The following TBC1D8 variants were observed in gnomAD, a reference collection of about 807,000 sequenced individuals.
The protein encoded by TBC1D8 is TBC1 domain family member 8, also known as BUB2-like protein 1.
In TBC1D8, 65 loss-of-function variants were observed where a neutral mutation model predicts 118.8. That is an observed-to-expected ratio of 0.55 (90% CI 0.45 to 0.67). The LOEUF (loss-of-function observed/expected upper bound fraction) is 0.67, where lower values mean the gene tolerates loss of function less well. TBC1D8 is among the 30% of genes least tolerant of loss of function. The pLI is 0.00. For synonymous variants in TBC1D8, 566 were observed against 595.8 expected (o/e 0.95, Z 0.73); for missense variants, 1,376 against 1,471.2 (o/e 0.94, Z 1.06).
chr2:101,018,959 T>C (rs1167276552), intron 17 of TBC1D8: 2 of 1,605,138 alleles, frequency 1.2e-6, no homozygotes, highest in Non-Finnish European at 1.7e-6. Flanking sequence ...GTGTGTTACC[T>C]GACATGGTAC....
intron 1 of TBC1D8, among the ~76,000 whole-genome samples, chr2:101,123,395 T>A (rs1452765785): frequency 1.3e-5 from 2 of 152,156 alleles, no homozygotes; most frequent in African/African-American, 4.8e-5. Context: ...ATAGTGCAAA[T>A]TAGCACTGTG....
intron 12 of TBC1D8, 134 bp downstream of exon 12, chr2:101,029,357 A>C (rs1573896701): frequency 1.0e-6 from 1 of 989,344 alleles, no homozygotes. Context: ...GTGCCACTGC[A>C]CTCCAGCCTG....
At position 101,028,296 on chromosome 2, in the gene TBC1D8, C is replaced by T. The variant is rs199519905; in HGVS notation, c.2352+7G>A. 1 of 1,609,694 alleles carries T rather than the reference C, an allele frequency of 6.2e-7. No individual in the cohort carries two copies. Among genetic ancestry groups the T allele is most frequent in the Non-Finnish European group, 8.5e-7 (1 of 1,178,004 alleles). On this transcript the variant is annotated splice_region_variant and intron_variant, in intron 13 of 19. Transcript: ENST00000409318. ...GCAACGGGGCATGGGGCGGGGGTTC[C>T]CGTTACCTCATAGGAATCCCGGATC...
intron 5 of TBC1D8, among the ~76,000 whole-genome samples, chr2:101,046,682 G>T (rs1028437756): frequency 2.0e-5 from 3 of 152,040 alleles, no homozygotes; most frequent in African/African-American, 4.8e-5. Flanking sequence ...AAGGGAGAGT[G>T]GGGGGAGGGG....
At position 101,009,821 on chromosome 2, in the gene TBC1D8, C is replaced by CATTTTTTTTTTTT. The variant is rs144990163; in HGVS notation, c.3015+1107_3015+1108insAAAAAAAAAAAAT. On this transcript the variant is annotated intron_variant, in intron 19 of 19. Coordinates refer to ENST00000409318, the MANE Select transcript of TBC1D8 (RefSeq NM_001330348.2). The stretch of plus-strand genomic sequence containing the variant: ...TGACTTAAGTCCTATAAAAAAGGAG[C>CATTTTTTTTTTTT]TTTTTCTTTTTTTTTTTTGAGATGG... Among the ~76,000 whole-genome samples, 2 of 134,192 alleles carry CATTTTTTTTTTTT rather than the reference C, an allele frequency of 1.5e-5. 1 individual carries two copies. Among genetic ancestry groups the CATTTTTTTTTTTT allele is most frequent in the Non-Finnish European group, 3.3e-5 (2 of 60,872 alleles). The allele number at this position is 134,192 out of a possible 152,430, so 88.0% of individuals were successfully genotyped here.
rs1676727540 is a variant in TBC1D8 at position 101,100,070 on chromosome 2, T to G, written c.128-9706A>C. Among the ~76,000 whole-genome samples the G allele has an allele frequency of 2.6e-5, 4 of 152,310 alleles. No individual in the cohort carries two copies. The South Asian group carries it at 8.3e-4, about 32-fold the overall frequency. On this transcript the variant is annotated intron_variant, in intron 1 of 19. Transcript: ENST00000409318. ...TCAAATAGAAGAGAGGAAATCAAGT[T>G]GTCTCTGTTTACAGATGACACAATT...
At chr2:101,042,416 G>T (rs748988929) in intron 5 of TBC1D8, among the ~76,000 whole-genome samples, 1 of 152,144 alleles carries the variant, frequency 6.6e-6, no homozygotes, top group Non-Finnish European at 1.5e-5. Context: ...CTTAAAGTCA[G>T]GAATATGAAT....
chr2:101,037,732 C>CAG lies in TBC1D8; in HGVS notation c.1276-26_1276-25dup, dbSNP rs373832421. ...GCCTGCACAGCAAGAGAGACAGAGA[C>CAG]AGAGAGAGAGAGGAGAGGAGAAAAT... is the stretch of plus-strand genomic sequence containing the variant. On this transcript the variant is annotated intron_variant, in intron 7 of 19. Transcript: ENST00000409318. 5.6e-6 allele frequency: 9 copies of CAG among 1,608,018 alleles called. 1 individual carries two copies. The highest frequency in any genetic ancestry group is 2.2e-5 in the East Asian group (1 of 44,830).
intron 1 of TBC1D8, among the ~76,000 whole-genome samples, chr2:101,139,140 CG>C (rs761604221): frequency 1.8e-4 from 27 of 151,984 alleles, no homozygotes; most frequent in Non-Finnish European, 3.4e-4. Flanking sequence ...AACATTCCTC[CG>C]GAACTGGCTC....
rs139934153 is a variant in TBC1D8 at position 101,138,842 on chromosome 2, A to G, written c.127+12285T>C. On this transcript the variant is annotated intron_variant, in intron 1 of 19. Transcript: ENST00000409318. ...TGAGCATGACTGATCATTAATCTCC[A>G]GCCCCTGCTCCTTCCCAGAGAATGG... Among the ~76,000 whole-genome samples, 1,201 of 152,184 alleles carry G rather than the reference A, an allele frequency of 7.9e-3. 13 individuals are homozygous for G. Among genetic ancestry groups the G allele is most frequent in the African/African-American group, 0.027 (1,131 of 41,500 alleles).
At chr2:101,121,761 G>A (rs1227184286) in intron 1 of TBC1D8, among the ~76,000 whole-genome samples, 2 of 152,194 alleles carry the variant, frequency 1.3e-5, no homozygotes, top group African/African-American at 2.4e-5. Flanking sequence ...GATATACAGA[G>A]TTCAATTATA....
chr2:101,020,072 CAA>C (rs200778679), intron 17 of TBC1D8, among the ~76,000 whole-genome samples: 9 of 90,942 alleles, frequency 9.9e-5, no homozygotes, highest in Non-Finnish European at 8.4e-5. Context: ...AACTCCGTCT[CAA>C]AAAAAAAAAA....
At position 101,059,511 on chromosome 2, in the gene TBC1D8, G is replaced by A; in HGVS notation, c.312C>T (p.His104=). 1 of 1,613,738 alleles carries A rather than the reference G, an allele frequency of 6.2e-7. No homozygotes were observed. The highest frequency in any genetic ancestry group is 1.3e-5 in the African/African-American group (1 of 75,036). Residue 104 remains histidine, a synonymous_variant, in exon 3 of 20, where the codon CAC becomes CAT. Transcript: ENST00000409318. ...TGATLEEINQ[H]WDWLEQNLLH... ...GGAGATTTTGTTCCAGCCAGTCCCA[G>A]TGCTGATTGATTTCCTCTAATGTTG...
At chr2:101,032,080 C>G (rs1680701908) in intron 11 of TBC1D8, among the ~76,000 whole-genome samples, 188 bp downstream of exon 11, 1 of 152,184 alleles carries the variant, frequency 6.6e-6, no homozygotes, top group African/African-American at 2.4e-5. Context: ...CTTTATTCCA[C>G]TACATTGTCA....
intron 1 of TBC1D8, among the ~76,000 whole-genome samples, chr2:101,141,420 T>C (rs924819554): frequency 2.6e-5 from 4 of 152,170 alleles, no homozygotes; most frequent in Non-Finnish European, 4.4e-5. Context: ...CTTTACAGTC[T>C]ATCACTTTCT....
intron 2 of TBC1D8, among the ~76,000 whole-genome samples, chr2:101,071,053 G>C (rs150050993): frequency 1.3e-5 from 2 of 151,972 alleles, no homozygotes; most frequent in East Asian, 1.9e-4. Context: ...AATTAGCATC[G>C]GCCAGGCCAG....
At chr2:101,132,599 TTTTG>T (rs1337153610) in intron 1 of TBC1D8, among the ~76,000 whole-genome samples, 3 of 152,174 alleles carry the variant, frequency 2.0e-5, no homozygotes, top group Non-Finnish European at 2.9e-5. Context: ...GATCAAGTTG[TTTTG>T]TTTGAGATAG....
intron 1 of TBC1D8, among the ~76,000 whole-genome samples, chr2:101,108,019 G>A (rs1454727652): frequency 6.8e-6 from 1 of 146,444 alleles, no homozygotes; most frequent in Non-Finnish European, 1.5e-5. Context: ...GATCACCACT[G>A]CATTCGAGCC....
At chr2:101,040,418 T>C in intron 5 of TBC1D8, 33 bp from the exon 6 acceptor site, 5 of 1,554,466 alleles carry the variant, frequency 3.2e-6, no homozygotes, top group East Asian at 4.8e-5. Context: ...GAAGAAGAGA[T>C]AGGAAAGGTG....
Sources: allele counts gnomAD v4.1 joint callset (sites outside exome capture counted in the v4.1 genomes callset), GRCh38; gene constraint gnomAD v4.1.1; transcripts MANE v1.5; gene names NCBI Gene and HGNC (gene_info 2026-07-23, HGNC 2026-07-21).